The following ZFPM2 variants were observed in gnomAD, a reference collection of about 807,000 sequenced individuals.
The protein encoded by ZFPM2 is zinc finger protein ZFPM2.
A neutral mutation model predicts 98.6 loss-of-function variants in ZFPM2; 20 were observed. The observed-to-expected ratio is 0.20, with a 90% CI of 0.14 to 0.29. ZFPM2 has a LOEUF of 0.29. Among genes scored for constraint, ZFPM2 ranks in the 10% least tolerant of loss-of-function variants. The pLI is 1.00. For synonymous variants in ZFPM2, 518 were observed against 502.7 expected (o/e 1.03, Z -0.41); for missense variants, 1,310 against 1,388.6 (o/e 0.94, Z 0.90).
chr8:105,647,525 GC>G (rs746682779), intron 5 of ZFPM2, among the ~76,000 whole-genome samples: 16 of 87,258 alleles, frequency 1.8e-4, no homozygotes, highest in Non-Finnish European at 2.3e-4. Context: ...TATCCCTCCC[GC>G]CCCCCCCCAC....
At chr8:105,785,788 A>G (rs1429517492) in intron 5 of ZFPM2, among the ~76,000 whole-genome samples, 1 of 152,102 alleles carries the variant, frequency 6.6e-6, no homozygotes, top group Non-Finnish European at 1.5e-5. Context: ...CACGCCTGCA[A>G]TCCGAACACT....
At chr8:105,347,856 A>G (rs1361277525) in intron 1 of ZFPM2, among the ~76,000 whole-genome samples, 1 of 152,166 alleles carries the variant, frequency 6.6e-6, no homozygotes, top group Non-Finnish European at 1.5e-5. Context: ...TGTTTACCAT[A>G]TTAAAAATAA....
At chr8:105,384,419 C>A (rs548924542) in intron 1 of ZFPM2, among the ~76,000 whole-genome samples, 1 of 151,638 alleles carries the variant, frequency 6.6e-6, no homozygotes, top group Non-Finnish European at 1.5e-5. Context: ...TCAGTTAATC[C>A]CAGGAGGTGG....
intron 4 of ZFPM2, among the ~76,000 whole-genome samples, chr8:105,600,089 G>A (rs1301595172): frequency 1.3e-5 from 2 of 152,112 alleles, no homozygotes; most frequent in East Asian, 3.9e-4. Context: ...AATCACTGCT[G>A]AGCCGACCAC....
In ZFPM2 at chr8:105,752,046, A is replaced by G. The variant is rs1563548979; in HGVS notation, c.533-36672A>G. Reference sequence around the variant, plus strand: ...TTTGCTCATATTTCCAATTTTGTCTAATTCTCAGTCACAGTTTTTACATTA... The same window carrying G: ...TTTGCTCATATTTCCAATTTTGTCTGATTCTCAGTCACAGTTTTTACATTA... On this transcript the variant is annotated intron_variant, in intron 5 of 7. Coordinates refer to ENST00000407775, the MANE Select transcript of ZFPM2 (RefSeq NM_012082.4). 2.0e-5 allele frequency among the ~76,000 whole-genome samples: 3 copies of G among 152,166 alleles called. No individual in the cohort carries two copies. The South Asian group carries it at 6.2e-4, about 32-fold the overall frequency.
chr8:105,630,096 G>A (rs1816729674), intron 4 of ZFPM2, among the ~76,000 whole-genome samples: 1 of 152,132 alleles, frequency 6.6e-6, no homozygotes, highest in African/African-American at 2.4e-5. Context: ...TTCCCAAAAT[G>A]TTGTGCCAAT....
chr8:105,548,050 C>T (rs4734121), intron 3 of ZFPM2, among the ~76,000 whole-genome samples: 18,188 of 151,572 alleles, frequency 0.12, 1,175 homozygotes, highest in Admixed American at 0.17. Flanking sequence ...TAATTGTGGT[C>T]GTTTCTGAGT....
At chr8:105,656,900 G>A (rs1490734264) in intron 5 of ZFPM2, among the ~76,000 whole-genome samples, 1 of 152,128 alleles carries the variant, frequency 6.6e-6, no homozygotes, top group African/African-American at 2.4e-5. Flanking sequence ...AAGAGAGTTT[G>A]GGAATCAATG....
intron 3 of ZFPM2, among the ~76,000 whole-genome samples, chr8:105,490,985 A>G (rs558738189): frequency 6.6e-6 from 1 of 152,208 alleles, no homozygotes; most frequent in Non-Finnish European, 1.5e-5. Context: ...TATCAAAGAT[A>G]TAAATCCCAA....
chr8:105,562,847 A>G (rs2130702605), intron 4 of ZFPM2, among the ~76,000 whole-genome samples: 1 of 152,308 alleles, frequency 6.6e-6, no homozygotes, highest in Admixed American at 6.5e-5. Flanking sequence ...TGCCATGCAA[A>G]GGAATGTTCG....
intron 3 of ZFPM2, among the ~76,000 whole-genome samples, chr8:105,554,617 A>C (rs1466885018): frequency 1.3e-5 from 2 of 152,170 alleles, no homozygotes; most frequent in Non-Finnish European, 2.9e-5. Flanking sequence ...TCTGCTTTAA[A>C]ATTTGGTTGT....
chr8:105,500,784 G>T (rs1813575936), intron 3 of ZFPM2, among the ~76,000 whole-genome samples: 1 of 152,066 alleles, frequency 6.6e-6, no homozygotes, highest in South Asian at 2.1e-4. Flanking sequence ...GATATTTTAT[G>T]TGTGTACTTT....
chr8:105,493,469 A>G (rs1586413116), intron 3 of ZFPM2, among the ~76,000 whole-genome samples: 1 of 152,344 alleles, frequency 6.6e-6, no homozygotes, highest in Admixed American at 6.5e-5. Flanking sequence ...ACAATCTTGT[A>G]CCGCATGCTA....
At chr8:105,473,451 C>T (rs1237699338) in intron 3 of ZFPM2, among the ~76,000 whole-genome samples, 7 of 152,062 alleles carry the variant, frequency 4.6e-5, no homozygotes, top group Non-Finnish European at 7.4e-5. Flanking sequence ...AGCTGACTAC[C>T]TCTTTATTTA....
intron 1 of ZFPM2, among the ~76,000 whole-genome samples, chr8:105,339,951 A>G (rs535279813): frequency 1.3e-5 from 2 of 152,076 alleles, no homozygotes; most frequent in East Asian, 1.9e-4. Context: ...TTAAGGAATC[A>G]TAGGGTTAAC....
chr8:105,749,297 A>G (rs1812421779), intron 5 of ZFPM2, among the ~76,000 whole-genome samples: 1 of 152,060 alleles, frequency 6.6e-6, no homozygotes, highest in South Asian at 2.1e-4. Context: ...CTAGTCTCTA[A>G]GGCATTCTAA....
At chr8:105,548,558 C>A (rs182231897) in intron 3 of ZFPM2, among the ~76,000 whole-genome samples, 5 of 152,192 alleles carry the variant, frequency 3.3e-5, no homozygotes, top group Admixed American at 2.0e-4. Flanking sequence ...ATTCATTAAA[C>A]CTCTGCCTTA....
At chr8:105,711,773 T>G (rs1208152684) in intron 5 of ZFPM2, among the ~76,000 whole-genome samples, 1 of 151,946 alleles carries the variant, frequency 6.6e-6, no homozygotes, top group East Asian at 1.9e-4. Context: ...CAGATGGAGT[T>G]TTAGGTCTTT....
intron 3 of ZFPM2, among the ~76,000 whole-genome samples, chr8:105,507,801 CA>C (rs1485793773): frequency 6.6e-6 from 1 of 152,076 alleles, no homozygotes; most frequent in Non-Finnish European, 1.5e-5. Context: ...ACAGTAACCC[CA>C]CCACTCCCTC....
Sources: allele counts gnomAD v4.1 joint callset (sites outside exome capture counted in the v4.1 genomes callset), GRCh38; gene constraint gnomAD v4.1.1; transcripts MANE v1.5; gene names NCBI Gene and HGNC (gene_info 2026-07-23, HGNC 2026-07-21).